The following PARD3 variants were observed in gnomAD, a reference collection of about 807,000 sequenced individuals.
PARD3 encodes the protein partitioning defective 3 homolog.
PARD3 carries 75 observed loss-of-function variants against 155.4 expected under a neutral mutation model. That is an observed-to-expected ratio of 0.48 (90% CI 0.40 to 0.58). The LOEUF is 0.58. Ranked by LOEUF, PARD3 falls within the 20% of genes least tolerant of loss-of-function variation. The probability of loss-of-function intolerance (pLI) is 0.00; values close to 1 mark genes in which losing one functional copy is unlikely to be tolerated. For missense variants in PARD3, 1,642 were observed against 1,721.7 expected, an observed-to-expected ratio of 0.95 and a Z score of 0.82; for synonymous variants, 576 against 610.5, an observed-to-expected ratio of 0.94 and a Z score of 0.83.
At chr10:34,146,681 A>G (rs1948523810) in intron 22 of PARD3, among the ~76,000 whole-genome samples, 1 of 152,160 alleles carries the variant, frequency 6.6e-6, no homozygotes, top group South Asian at 2.1e-4. Context: ...CCTCTGTTTC[A>G]ATCTTTGCTG....
rs200437339 is a variant in PARD3 at position 34,119,702 on chromosome 10, C to G, written c.3579G>C (p.Ser1193=). 2 of 1,612,932 alleles carry G rather than the reference C, an allele frequency of 1.2e-6. No individual in the cohort carries two copies. The highest frequency in any genetic ancestry group is 2.2e-5 in the East Asian group (1 of 44,866). ...GCTGCATCTGCACCTCCACGGACACCGAGTGTCGCCCGCTCTGCGTCGCCG... is the reference window on the plus strand; with the variant it reads ...GCTGCATCTGCACCTCCACGGACACGGAGTGTCGCCCGCTCTGCGTCGCCG... ...ARPATQSGRH[S]VSVEVQMQRQ... The change falls in exon 24 of 25, where the codon TCG becomes TCC. Residue 1193 remains serine (S), a synonymous_variant. Transcript: ENST00000374788.
rs1953805574 is a variant in PARD3, at chr10:34,244,388, G to A, written c.3419+25269C>T. 2.6e-5 allele frequency among the ~76,000 whole-genome samples: 4 copies of A among 152,098 alleles called. No individual in the cohort carries two copies. In the South Asian group the frequency reaches 6.2e-4, roughly 24 times the overall value. On this transcript the variant is annotated intron_variant, in intron 22 of 24. Coordinates refer to ENST00000374788, the MANE Select transcript of PARD3 (RefSeq NM_001184785.2). ...TAGTGCCCAGTCTTGCCTGAATAAC[G>A]GCCCAGGAAGAAAACACAGACGAAC... is the stretch of plus-strand genomic sequence containing the variant.
At chr10:34,396,878 T>G (rs1843399782) in intron 7 of PARD3, among the ~76,000 whole-genome samples, 1 of 152,174 alleles carries the variant, frequency 6.6e-6, no homozygotes, top group East Asian at 1.9e-4. Flanking sequence ...CTTTACAAGC[T>G]ATCATCACAT....
At chr10:34,245,302 C>T (rs999956338) in intron 22 of PARD3, among the ~76,000 whole-genome samples, 6 of 152,094 alleles carry the variant, frequency 3.9e-5, no homozygotes, top group African/African-American at 9.7e-5. Context: ...AAATGCTTGA[C>T]GCAATATGGG....
intron 20 of PARD3, among the ~76,000 whole-genome samples, chr10:34,302,078 C>A (rs928131122): frequency 2.0e-5 from 3 of 152,090 alleles, no homozygotes; most frequent in African/African-American, 4.8e-5. Context: ...TACCCACTAT[C>A]TTTAGGAGCA....
At chr10:34,619,168 A>G (rs2091459015) in intron 2 of PARD3, among the ~76,000 whole-genome samples, 1 of 150,562 alleles carries the variant, frequency 6.6e-6, no homozygotes, top group South Asian at 2.1e-4. Flanking sequence ...CTTGTGCCTC[A>G]CCTTCCCAAG....
chr10:34,718,728 C>A (rs901763520), intron 1 of PARD3, among the ~76,000 whole-genome samples: 1 of 152,120 alleles, frequency 6.6e-6, no homozygotes, highest in African/African-American at 2.4e-5. Context: ...TTCGGGAGGC[C>A]GAGGTAGGCG....
intron 3 of PARD3, among the ~76,000 whole-genome samples, chr10:34,474,515 G>A (rs145777147): frequency 6.6e-6 from 1 of 152,208 alleles, no homozygotes; most frequent in African/African-American, 2.4e-5. Flanking sequence ...ATACACACGC[G>A]TGCACAAAGT....
intron 2 of PARD3, among the ~76,000 whole-genome samples, chr10:34,624,669 G>C (rs563645193): frequency 4.6e-5 from 7 of 152,336 alleles, no homozygotes; most frequent in African/African-American, 1.7e-4. Context: ...GGAGGATGAT[G>C]GTGGAGAGGA....
chr10:34,206,232 C>T (rs1951474217), intron 22 of PARD3, among the ~76,000 whole-genome samples: 1 of 152,200 alleles, frequency 6.6e-6, no homozygotes, highest in African/African-American at 2.4e-5. Context: ...GTGGCACAGG[C>T]TGCTTGCTGG....
chr10:34,758,610 G>A (rs1837041480), intron 1 of PARD3, among the ~76,000 whole-genome samples: 1 of 152,154 alleles, frequency 6.6e-6, no homozygotes, highest in Non-Finnish European at 1.5e-5. Context: ...TTTCTAGTTG[G>A]GGCACTCAAG....
chr10:34,633,422 G>A (rs761035709), intron 2 of PARD3, among the ~76,000 whole-genome samples: 11 of 150,862 alleles, frequency 7.3e-5, no homozygotes, highest in South Asian at 6.3e-4. Flanking sequence ...CAGATTCTGC[G>A]TATCCGTGAA....
intron 22 of PARD3, among the ~76,000 whole-genome samples, chr10:34,247,026 G>A (rs1375857908): frequency 6.6e-6 from 1 of 151,886 alleles, no homozygotes; most frequent in Non-Finnish European, 1.5e-5. Flanking sequence ...GTGTGAGGCT[G>A]CAGTGAGCCA....
chr10:34,185,338 A>G (rs1237553663), intron 22 of PARD3, among the ~76,000 whole-genome samples: 1 of 152,210 alleles, frequency 6.6e-6, no homozygotes, highest in Non-Finnish European at 1.5e-5. Context: ...CCTTTGTCCT[A>G]AAGAATGCTG....
intron 2 of PARD3, 96 bp from the exon 3 acceptor site, chr10:34,517,255 T>C: frequency 1.1e-5 from 12 of 1,088,402 alleles, no homozygotes; most frequent in Non-Finnish European, 1.6e-5. Flanking sequence ...AGTGCAAAAA[T>C]ACTGATATAA....
intron 1 of PARD3, among the ~76,000 whole-genome samples, chr10:34,760,213 G>A (rs1564590192): frequency 6.6e-6 from 1 of 151,934 alleles, no homozygotes; most frequent in Non-Finnish European, 1.5e-5. Flanking sequence ...TGTAGAAACA[G>A]TATTTATTAT....
intron 1 of PARD3, among the ~76,000 whole-genome samples, chr10:34,777,966 A>G (rs763849198): frequency 6.6e-6 from 1 of 152,054 alleles, no homozygotes; most frequent in Non-Finnish European, 1.5e-5. Flanking sequence ...CCAAGTTACC[A>G]CCACATCCAC....
chr10:34,353,311 T>G (rs1057446044), intron 14 of PARD3, among the ~76,000 whole-genome samples: 5 of 152,176 alleles, frequency 3.3e-5, no homozygotes, highest in African/African-American at 1.2e-4. Context: ...AGAGATCAGA[T>G]TTTTACTGTG....
intron 16 of PARD3, among the ~76,000 whole-genome samples, chr10:34,338,879 G>C (rs1290881949): frequency 1.3e-5 from 2 of 152,128 alleles, no homozygotes; most frequent in African/African-American, 4.8e-5. Flanking sequence ...TAAGGTGAAA[G>C]CCCCATGTAA....
Sources: allele counts gnomAD v4.1 joint callset (sites outside exome capture counted in the v4.1 genomes callset), GRCh38; gene constraint gnomAD v4.1.1; transcripts MANE v1.5; gene names NCBI Gene and HGNC (gene_info 2026-07-23, HGNC 2026-07-21).